Variants in KLRG1 observed in about 807,000 individuals in gnomAD.
KLRG1 encodes the protein killer cell lectin-like receptor subfamily G member 1.
KLRG1 carries 16 observed loss-of-function variants against 21.8 expected under a neutral mutation model. That is an observed-to-expected ratio of 0.73 (90% CI 0.50 to 1.11). The LOEUF (loss-of-function observed/expected upper bound fraction) is 1.11. Ranked by LOEUF, KLRG1 falls within the 50% of genes most tolerant of loss-of-function variation. The pLI is 0.00. For missense variants in KLRG1, 173 were observed against 218.3 expected (o/e 0.79, Z 1.31); for synonymous variants, 69 against 75.9 (o/e 0.91, Z 0.47).
chr12:9,060,192 T>C, the KLRG1 span, among the ~76,000 whole-genome samples: 337 of 147,978 alleles, frequency 2.3e-3, no homozygotes, highest in Middle Eastern at 6.9e-3. Flanking sequence ...TTTGTTTGTT[T>C]GTTTGTTTGT....
At chr12:9,116,096 A>G in the KLRG1 span, 15 of 478,724 alleles carry the variant, frequency 3.1e-5, no homozygotes, top group Admixed American at 4.5e-4. Context: ...CTGGAGGGCT[A>G]AAACTACATT....
the KLRG1 span, chr12:9,203,858 T>TAG: frequency 6.2e-7 from 1 of 1,614,104 alleles, no homozygotes; most frequent in Non-Finnish European, 8.5e-7. Context: ...AGGAAGCACT[T>TAG]ACAGTCACTG....
the KLRG1 span, chr12:9,160,602 T>C: frequency 1.0e-6 from 1 of 959,598 alleles, no homozygotes; most frequent in Non-Finnish European, 1.6e-6. Flanking sequence ...AAGAGAAAAG[T>C]TATATACACA....
chr12:9,072,540 C>G, the KLRG1 span: 1 of 1,601,832 alleles, frequency 6.2e-7, no homozygotes, highest in Non-Finnish European at 8.5e-7. Flanking sequence ...GAATTCCTGT[C>G]CACGTCCCTA....
chr12:9,202,107 A>G, the KLRG1 span, among the ~76,000 whole-genome samples: 1 of 152,136 alleles, frequency 6.6e-6, no homozygotes, highest in Non-Finnish European at 1.5e-5. Flanking sequence ...CTATTGCCAG[A>G]CTGATTAAAT....
the KLRG1 span, among the ~76,000 whole-genome samples, chr12:9,116,546 A>G: frequency 6.6e-6 from 1 of 152,218 alleles, no homozygotes; most frequent in Non-Finnish European, 1.5e-5. Context: ...ATTTTGACCT[A>G]TTGTGCCTAA....
chr12:8,951,111 A>C (rs561249059), intron 1 of KLRG1, among the ~76,000 whole-genome samples: 100 of 152,222 alleles, frequency 6.6e-4, no homozygotes, highest in Non-Finnish European at 1.1e-3. Context: ...ACAACAAAAC[A>C]AAAATCATAC....
chr12:9,164,364 T>G, the KLRG1 span: 2 of 1,268,954 alleles, frequency 1.6e-6, no homozygotes, highest in African/African-American at 3.0e-5. Flanking sequence ...TTGGGATTTG[T>G]AAGAAAAATG....
the KLRG1 span, among the ~76,000 whole-genome samples, chr12:9,108,240 C>T: frequency 6.6e-6 from 1 of 152,150 alleles, no homozygotes; most frequent in African/African-American, 2.4e-5. Context: ...ATTCTCCTGC[C>T]TCAGCTTCCC....
chr12:9,015,428 G>A (rs925878941), downstream of KLRG1, among the ~76,000 whole-genome samples: 1 of 152,084 alleles, frequency 6.6e-6, no homozygotes, highest in Non-Finnish European at 1.5e-5. Flanking sequence ...TTGACCTTAT[G>A]ATAAAGATGT....
Position 8,970,976 on chromosome 12 carries a change from G to T in KLRG1, c.-156+20740G>T, listed in dbSNP as rs764735071. ...GGGATAAACTGTACTTTGTCATGAT[G>T]ATTTATTTTATATTTTTATAGATAT... On this transcript the variant is annotated intron_variant, in intron 1 of 4. Transcript: ENST00000539240. The T allele has an allele frequency of 1.4e-4, 21 of 152,172 alleles. No individual in the cohort carries two copies. In the South Asian group the frequency reaches 3.9e-3, roughly 29 times the overall value. The allele number at this position is 152,172 out of a possible 1,614,324, so 9.4% of individuals were successfully genotyped here. A position where few individuals can be genotyped will look rare whatever the true frequency, so the allele number is the denominator to read the frequency against.
the KLRG1 span, among the ~76,000 whole-genome samples, chr12:9,186,810 A>G: frequency 3.1e-5 from 4 of 131,104 alleles, 1 homozygote; most frequent in African/African-American, 8.6e-5. Flanking sequence ...ATGAGAACAC[A>G]TGGACACAGG....
the KLRG1 span, chr12:9,194,343 C>G: frequency 4.6e-6 from 5 of 1,085,602 alleles, no homozygotes; most frequent in African/African-American, 1.6e-5. Context: ...ACAACCTCCC[C>G]CTCAAAAAAA....
At chr12:9,170,725 C>T in the KLRG1 span, among the ~76,000 whole-genome samples, 1 of 152,194 alleles carries the variant, frequency 6.6e-6, no homozygotes, top group African/African-American at 2.4e-5. This position sits in a 1 kb window ranked among gnomAD's most constrained non-coding sequence, Gnocchi z 4.6. Context: ...GCTGCCTTGC[C>T]AGATTGTGAT....
At chr12:9,101,533 A>C in the KLRG1 span, 1 of 1,614,014 alleles carries the variant, frequency 6.2e-7, no homozygotes, top group East Asian at 2.2e-5. Context: ...GTATGGCCAC[A>C]GGGTAGTTCA....
the KLRG1 span, chr12:9,065,702 G>A: frequency 6.6e-6 from 1 of 152,428 alleles, no homozygotes; most frequent in African/African-American, 2.4e-5. Context: ...CCTCAAGCTG[G>A]TGAGGGCTTG....
the KLRG1 span, among the ~76,000 whole-genome samples, chr12:9,045,011 G>A: frequency 2.0e-5 from 3 of 152,102 alleles, no homozygotes; most frequent in African/African-American, 7.2e-5. Flanking sequence ...CTATACAGAA[G>A]TTAGAAGCAT....
the KLRG1 span, among the ~76,000 whole-genome samples, chr12:9,193,543 C>T: frequency 1.3e-5 from 2 of 152,142 alleles, no homozygotes; most frequent in African/African-American, 4.8e-5. Context: ...AACATCATTA[C>T]ATGTTTTTAA....
the KLRG1 span, among the ~76,000 whole-genome samples, chr12:9,211,911 T>C: frequency 6.6e-6 from 1 of 152,188 alleles, no homozygotes; most frequent in African/African-American, 2.4e-5. Context: ...GCTTAGATTC[T>C]GTCTGTTCCC....
Sources: allele counts gnomAD v4.1 joint callset (sites outside exome capture counted in the v4.1 genomes callset), GRCh38; gene constraint gnomAD v4.1.1; non-coding constraint Gnocchi (gnomAD v3.1); transcripts MANE v1.5; gene names NCBI Gene and HGNC (gene_info 2026-07-23, HGNC 2026-07-21).